The following ZNF43 variants were observed in gnomAD, a reference collection of about 807,000 sequenced individuals.
ZNF43 encodes zinc finger protein 39-like 1 (KOX 27).
A neutral mutation model predicts 68.4 loss-of-function variants in ZNF43; 44 were observed. The observed-to-expected ratio is 0.64, with a 90% CI of 0.51 to 0.83. The LOEUF (loss-of-function observed/expected upper bound fraction) is 0.83, where lower values mean the gene tolerates loss of function less well. Among genes scored for constraint, ZNF43 ranks in the 40% least tolerant of loss-of-function variants. The pLI, the probability that ZNF43 is intolerant of heterozygous loss-of-function variation, is 0.00. For missense variants in ZNF43, 896 were observed against 933.2 expected (o/e 0.96, Z 0.52); for synonymous variants, 308 against 307.8 (o/e 1.00, Z -0.01).
At chr19:21,833,657 AAAC>A (rs772812703) in intron 1 of ZNF43, among the ~76,000 whole-genome samples, 2 of 152,140 alleles carry the variant, frequency 1.3e-5, no homozygotes, top group African/African-American at 2.4e-5. Flanking sequence ...AAAAAAACAA[AAAC>A]AACAAAATGA....
intron 1 of ZNF43, among the ~76,000 whole-genome samples, chr19:21,819,552 T>C (rs1568360970): frequency 1.3e-5 from 2 of 152,170 alleles, no homozygotes; most frequent in Non-Finnish European, 2.9e-5. Flanking sequence ...GTTGCGAATA[T>C]TTTTCAGATA....
In ZNF43 at chr19:21,808,896, G is replaced by A. The variant is rs145530159; in HGVS notation, c.1141C>T (p.Arg381Trp). 1.1e-3 allele frequency: 1,775 copies of A among 1,612,984 alleles called. 4 individuals are homozygous for A. Among genetic ancestry groups the A allele is most frequent in the Non-Finnish European group, 1.4e-3 (1,646 of 1,179,782 alleles). Residue 381 changes from arginine (R) to tryptophan (W), a missense_variant, in exon 4 of 4, where the codon CGG (arginine) becomes TGG (tryptophan). By Grantham distance (101) the Arg-to-Trp change is moderately radical. Coordinates refer to ENST00000354959, the MANE Select transcript of ZNF43 (RefSeq NM_003423.4). ...TTATGTTTAGTAAGGTTTGAGGACC[G>A]GCTAAAAGCTTCACCACATTCTGTA... ...KCTECGEAFS[R>W]SSNLTKHKKI...
chr19:21,833,950 C>T (rs774403842), intron 1 of ZNF43, among the ~76,000 whole-genome samples: 1 of 151,868 alleles, frequency 6.6e-6, no homozygotes, highest in Non-Finnish European at 1.5e-5. Context: ...TCGCTTGAAC[C>T]CAGGAGGCAG....
At chr19:21,833,394 A>T (rs1244666152) in intron 1 of ZNF43, among the ~76,000 whole-genome samples, 1 of 151,950 alleles carries the variant, frequency 6.6e-6, no homozygotes, top group Non-Finnish European at 1.5e-5. Flanking sequence ...TGCCTCCCGA[A>T]GTAGCTGGGA....
intron 2 of ZNF43, among the ~76,000 whole-genome samples, chr19:21,818,189 A>G (rs1401394798): frequency 6.6e-6 from 1 of 150,596 alleles, no homozygotes; most frequent in African/African-American, 2.4e-5. Flanking sequence ...TGCAATCTCC[A>G]CCTCCGGGAT....
rs560823187 is a variant in ZNF43, at chr19:21,806,596, A to C, written c.*1011T>G. 6.6e-6 allele frequency: 1 copy of C among 152,360 alleles called. No homozygotes were observed. Among genetic ancestry groups the C allele is most frequent in the East Asian group, 1.9e-4 (1 of 5,190 alleles). 9.4% of individuals were successfully genotyped at this position (152,360 alleles called of 1,614,324 possible). ...TGCTTTCACATGTGAATATAGCAGG[A>C]ATGAAAAAAGAGCATAAAGTTATTT... On this transcript the variant is annotated 3_prime_UTR_variant, in exon 4 of 4. Coordinates refer to ENST00000354959, the MANE Select transcript of ZNF43 (RefSeq NM_003423.4).
chr19:21,852,012 T>C, exon 1 of ZNF43: 1 of 1,478,690 alleles, frequency 6.8e-7, no homozygotes, highest in Non-Finnish European at 9.1e-7. Context: ...ATTCCCGAGT[T>C]GGAGAACGCG....
rs147567582 is a variant in ZNF43 at position 21,807,853 on chromosome 19, A to G, written c.2184T>C (p.His728=). Residue 728 remains histidine (H), a synonymous_variant, in exon 4 of 4, where the codon CAT becomes CAC. Coordinates refer to ENST00000354959, the MANE Select transcript of ZNF43 (RefSeq NM_003423.4). ...SSNLIEHKKI[H]TGEQPYKCEE... ...CACATTTGTAGGGTTGCTCTCCAGT[A>G]TGAATTTTCTTATGTTCAATAAGGT... is the stretch of plus-strand genomic sequence containing the variant. The G allele has an allele frequency of 1.5e-5, 25 of 1,613,082 alleles. No homozygotes were observed. The African/African-American group carries it at 2.4e-4, about 15-fold the overall frequency.
chr19:21,837,848 CCCTA>C (rs1967228947), upstream of ZNF43: 1 of 152,208 alleles, frequency 6.6e-6, no homozygotes, highest in East Asian at 1.9e-4. Flanking sequence ...GATCTTCCTT[CCCTA>C]CCTTTTTCCT....
intron 1 of ZNF43, among the ~76,000 whole-genome samples, chr19:21,821,136 T>C (rs897401572): frequency 1.1e-4 from 15 of 141,378 alleles, no homozygotes; most frequent in Admixed American, 1.4e-4. Flanking sequence ...CACCCGGCTG[T>C]AATTTTTTTT....
At chr19:21,816,571 G>A (rs1010865216) in intron 3 of ZNF43, among the ~76,000 whole-genome samples, 5 of 152,090 alleles carry the variant, frequency 3.3e-5, no homozygotes, top group Non-Finnish European at 5.9e-5. Context: ...GTTTGGGAGA[G>A]GTCCTGTTCT....
At chr19:21,844,921 A>AAAAAAATATATAT (rs1310761266) in intron 1 of ZNF43, among the ~76,000 whole-genome samples, 1 of 26,048 alleles carries the variant, frequency 3.8e-5, no homozygotes, top group Non-Finnish European at 6.2e-5. Context: ...AAAAAAAAAA[A>AAAAAAATATATAT]ATATATATAT....
At chr19:21,832,259 A>C (rs2038457102) in intron 1 of ZNF43, among the ~76,000 whole-genome samples, 2 of 152,176 alleles carry the variant, frequency 1.3e-5, no homozygotes, top group Non-Finnish European at 2.9e-5. Flanking sequence ...TCTTCAACAA[A>C]GCTTACAAGA....
intron 1 of ZNF43, among the ~76,000 whole-genome samples, chr19:21,844,347 C>CAAAA (rs57500822): frequency 0.011 from 455 of 43,118 alleles, 10 homozygotes; most frequent in African/African-American, 0.025. Flanking sequence ...GACTCTGTCT[C>CAAAA]AAAAAAAAAA....
upstream of ZNF43, chr19:21,840,636 T>TC (rs1299943167): frequency 2.0e-5 from 3 of 152,304 alleles, no homozygotes; most frequent in Non-Finnish European, 2.9e-5. Flanking sequence ...ATTCAGAACT[T>TC]CAACAGTGAG....
intron 3 of ZNF43, among the ~76,000 whole-genome samples, chr19:21,817,299 T>C (rs1599468787): frequency 6.6e-6 from 1 of 151,378 alleles, no homozygotes; most frequent in East Asian, 1.9e-4. Flanking sequence ...TCCAGTGGGA[T>C]TTTTTTCACA....
intron 1 of ZNF43, chr19:21,826,816 CAG>C (rs977089730): frequency 2.3e-5 from 3 of 127,964 alleles, no homozygotes; most frequent in African/African-American, 1.1e-4. Flanking sequence ...AGCCTGGCGA[CAG>C]AGTGAGACTC....
intron 1 of ZNF43, among the ~76,000 whole-genome samples, chr19:21,831,822 T>G (rs966733054): frequency 6.6e-6 from 1 of 152,056 alleles, no homozygotes; most frequent in African/African-American, 2.4e-5. Flanking sequence ...TCCAGAAATA[T>G]AGCTAACCAG....
At chr19:21,815,843 G>C (rs1318519181) in intron 3 of ZNF43, among the ~76,000 whole-genome samples, 1 of 151,952 alleles carries the variant, frequency 6.6e-6, no homozygotes, top group Non-Finnish European at 1.5e-5. Context: ...TGGATCATTT[G>C]AGGTCAGAAG....
Sources: allele counts gnomAD v4.1 joint callset (sites outside exome capture counted in the v4.1 genomes callset), GRCh38; gene constraint gnomAD v4.1.1; transcripts MANE v1.5; gene names NCBI Gene and HGNC (gene_info 2026-07-23, HGNC 2026-07-21).